The following BNC2 variants were observed in gnomAD, a reference collection of about 807,000 sequenced individuals.
BNC2 encodes the protein basonuclin zinc finger protein 2.
In BNC2, 20 loss-of-function variants were observed where a neutral mutation model predicts 76.3. The ratio of observed to expected loss-of-function variants is 0.26; its 90% confidence interval spans 0.18 to 0.38. BNC2 has a LOEUF of 0.38. BNC2 is among the 10% of genes least tolerant of loss of function. The probability of loss-of-function intolerance (pLI) is 1.00; values close to 1 mark genes in which losing one functional copy is unlikely to be tolerated. For missense variants in BNC2, 1,382 were observed against 1,399.8 expected (o/e 0.99, Z 0.20); for synonymous variants, 582 against 514.8 (o/e 1.13, Z -1.77).
Position 16,416,675 on chromosome 9 carries a change from G to A in BNC2, c.*2314C>T, listed in dbSNP as rs529100101. Reference sequence around the variant, plus strand: ...CAAATACTTTTGGTCTTTCCTCCCCGTAGAACAAATGAAGAATTAAAATGG... The same window carrying A: ...CAAATACTTTTGGTCTTTCCTCCCCATAGAACAAATGAAGAATTAAAATGG... On this transcript the variant is annotated 3_prime_UTR_variant, in exon 7 of 7. Transcript: ENST00000380672. The A allele has an allele frequency of 2.6e-5, 4 of 152,604 alleles. No individual in the cohort carries two copies. The highest frequency in any genetic ancestry group is 1.9e-4 in the East Asian group (1 of 5,188). The allele number at this position is 152,604 out of a possible 1,614,324, so 9.5% of individuals were successfully genotyped here.
intron 3 of BNC2, among the ~76,000 whole-genome samples, chr9:16,647,357 C>T (rs1041009173): frequency 2.0e-5 from 3 of 151,756 alleles, no homozygotes; most frequent in African/African-American, 4.8e-5. Flanking sequence ...GGGTGGGGGC[C>T]GGTAGAAGGT....
chr9:16,777,575 C>T (rs907406990), intron 1 of BNC2, among the ~76,000 whole-genome samples: 2 of 151,866 alleles, frequency 1.3e-5, no homozygotes, highest in African/African-American at 2.4e-5. Context: ...GTGGCGGGTG[C>T]CTGTAGTCCC....
chr9:16,773,322 G>A (rs756503997), intron 1 of BNC2, among the ~76,000 whole-genome samples: 1 of 152,046 alleles, frequency 6.6e-6, no homozygotes, highest in African/African-American at 2.4e-5. Flanking sequence ...GTTAAACTTT[G>A]CTCATCCTGC....
intron 2 of BNC2, among the ~76,000 whole-genome samples, chr9:16,736,876 G>A (rs886926405): frequency 2.0e-5 from 3 of 151,638 alleles, no homozygotes; most frequent in African/African-American, 4.9e-5. Flanking sequence ...GCACCATCTC[G>A]GCTCACCGCA....
At chr9:16,772,009 T>A (rs1481656156) in intron 1 of BNC2, among the ~76,000 whole-genome samples, 1 of 152,208 alleles carries the variant, frequency 6.6e-6, no homozygotes, top group Non-Finnish European at 1.5e-5. Context: ...TGTAAGTGAA[T>A]AATAACTAAT....
chr9:16,554,811 A>G (rs1818773104), intron 4 of BNC2, among the ~76,000 whole-genome samples: 1 of 152,198 alleles, frequency 6.6e-6, no homozygotes, highest in Non-Finnish European at 1.5e-5. Context: ...TTTACAAAAC[A>G]GACTTCTATG....
At chr9:16,801,354 TC>T (rs1817773526) in intron 1 of BNC2, among the ~76,000 whole-genome samples, 1 of 152,052 alleles carries the variant, frequency 6.6e-6, no homozygotes, top group Non-Finnish European at 1.5e-5. Flanking sequence ...CAAGTGATTC[TC>T]CTGTTTCAGC....
intron 3 of BNC2, among the ~76,000 whole-genome samples, chr9:16,697,645 C>A (rs192394265): frequency 1.1e-3 from 163 of 151,654 alleles, no homozygotes; most frequent in African/African-American, 3.8e-3. Flanking sequence ...ATTGCTTAAA[C>A]CTGGGAGATG....
chr9:16,868,390 T>A (rs958000510), intron 1 of BNC2, among the ~76,000 whole-genome samples: 2 of 148,136 alleles, frequency 1.4e-5, no homozygotes, highest in Non-Finnish European at 3.0e-5. Flanking sequence ...CTTCTTTTTG[T>A]AATCACATAT....
intron 1 of BNC2, among the ~76,000 whole-genome samples, chr9:16,847,461 TAAGG>T (rs1819017178): frequency 9.4e-6 from 1 of 106,534 alleles, no homozygotes; most frequent in Non-Finnish European, 1.8e-5. Context: ...CATTACAAAT[TAAGG>T]AAGTTGACTT....
At chr9:16,822,350 A>C (rs1818357357) in intron 1 of BNC2, among the ~76,000 whole-genome samples, 1 of 152,168 alleles carries the variant, frequency 6.6e-6, no homozygotes, top group Non-Finnish European at 1.5e-5. Context: ...TTTTAAATAG[A>C]AGAAATCAAG....
chr9:16,669,755 C>A (rs1822418975), intron 3 of BNC2, among the ~76,000 whole-genome samples: 1 of 152,162 alleles, frequency 6.6e-6, no homozygotes, highest in South Asian at 2.1e-4. Context: ...GTACATATTT[C>A]TTTAAACAGA....
At chr9:16,675,662 C>T (rs1017872256) in intron 3 of BNC2, among the ~76,000 whole-genome samples, 6 of 152,216 alleles carry the variant, frequency 3.9e-5, no homozygotes, top group African/African-American at 1.4e-4. Context: ...AAGACTCTGA[C>T]ACATCAGCAA....
chr9:16,865,766 A>G (rs1331403562), intron 1 of BNC2, among the ~76,000 whole-genome samples: 7 of 152,182 alleles, frequency 4.6e-5, no homozygotes, highest in African/African-American at 1.7e-4. Context: ...AAAGAATGAT[A>G]TATCTGTAAT....
At chr9:16,509,113 A>G (rs1038530943) in intron 5 of BNC2, among the ~76,000 whole-genome samples, 6 of 152,096 alleles carry the variant, frequency 3.9e-5, no homozygotes, top group African/African-American at 1.4e-4. Context: ...ACCGTAAGCC[A>G]CCATGTTCAG....
intron 5 of BNC2, among the ~76,000 whole-genome samples, chr9:16,468,914 G>T (rs1189866176): frequency 1.3e-5 from 2 of 152,112 alleles, no homozygotes; most frequent in Non-Finnish European, 2.9e-5. Context: ...CATTGCAATT[G>T]TCAGTTTGCA....
intron 5 of BNC2, among the ~76,000 whole-genome samples, chr9:16,451,292 G>C (rs1406511395): frequency 6.6e-6 from 1 of 151,874 alleles, no homozygotes; most frequent in Admixed American, 6.6e-5. Flanking sequence ...AATGCCAAAA[G>C]GTACCTGGGT....
At chr9:16,543,429 C>A (rs1372196588) in intron 5 of BNC2, among the ~76,000 whole-genome samples, 1 of 152,146 alleles carries the variant, frequency 6.6e-6, no homozygotes. Context: ...CCATCACAGA[C>A]AATGTCCATT....
intron 1 of BNC2, among the ~76,000 whole-genome samples, chr9:16,808,420 C>G (rs1476122780): frequency 6.6e-6 from 1 of 150,950 alleles, no homozygotes; most frequent in Non-Finnish European, 1.5e-5. Context: ...CCTGGAATCA[C>G]ACCAACCTGA....
Sources: allele counts gnomAD v4.1 joint callset (sites outside exome capture counted in the v4.1 genomes callset), GRCh38; gene constraint gnomAD v4.1.1; transcripts MANE v1.5; gene names NCBI Gene and HGNC (gene_info 2026-07-23, HGNC 2026-07-21).